The following FGFR2 variants were observed in gnomAD, a reference collection of about 807,000 sequenced individuals.
The protein encoded by FGFR2 is fibroblast growth factor receptor 2.
A neutral mutation model predicts 95.9 loss-of-function variants in FGFR2; 19 were observed. The ratio of observed to expected loss-of-function variants is 0.20; its 90% confidence interval spans 0.14 to 0.29. The LOEUF (loss-of-function observed/expected upper bound fraction) is 0.29. Among genes scored for constraint, FGFR2 ranks in the 10% least tolerant of loss-of-function variants. The pLI is 1.00. For synonymous variants in FGFR2, 392 were observed against 393.3 expected, an observed-to-expected ratio of 1.00 and a Z score of 0.04; for missense variants, 707 against 1,056.9, an observed-to-expected ratio of 0.67 and a Z score of 4.59.
intron 2 of FGFR2, among the ~76,000 whole-genome samples, chr10:121,582,172 C>T (rs1861039374): frequency 1.3e-5 from 2 of 151,982 alleles, no homozygotes; most frequent in Non-Finnish European, 2.9e-5. Context: ...CCTCATGATC[C>T]GCCCACCTCG....
chr10:121,543,234 G>T (rs1368603845), intron 5 of FGFR2, among the ~76,000 whole-genome samples: 1 of 152,196 alleles, frequency 6.6e-6, no homozygotes, highest in East Asian at 1.9e-4. Flanking sequence ...AATCTGCCAG[G>T]TGCAGTGGCT....
chr10:121,553,379 G>T (rs1009311465), intron 4 of FGFR2, among the ~76,000 whole-genome samples: 1 of 152,118 alleles, frequency 6.6e-6, no homozygotes, highest in Non-Finnish European at 1.5e-5. Flanking sequence ...TCTTTTGAGG[G>T]TTCACCAGGG....
In FGFR2 at chr10:121,515,225, T is replaced by C. The variant is rs886046763; in HGVS notation, c.1179A>G (p.Val393=). ...TCTTCATTCGGCACAGGATGACTGTTACCACCATACAGGCGATTAAGAAGA... is the reference window on the plus strand; with the variant it reads ...TCTTCATTCGGCACAGGATGACTGTCACCACCATACAGGCGATTAAGAAGA... The part of the protein sequence containing the change: ...IGVFLIACMV[V]TVILCRMKNT... Residue 393 remains valine (V), a synonymous_variant, in exon 9 of 18, where the codon GTA becomes GTG. Coordinates refer to ENST00000358487, the MANE Select transcript of FGFR2 (RefSeq NM_000141.5). The C allele has an allele frequency of 1.9e-6, 3 of 1,614,106 alleles. No individual in the cohort carries two copies. Among genetic ancestry groups the C allele is most frequent in the Non-Finnish European group, 2.5e-6 (3 of 1,180,050 alleles).
chr10:121,597,381 T>C (rs898765730), intron 1 of FGFR2, among the ~76,000 whole-genome samples: 2 of 152,194 alleles, frequency 1.3e-5, no homozygotes, highest in African/African-American at 4.8e-5. Flanking sequence ...CTGCGCTCCC[T>C]CCAGCGCCGA....
chr10:121,532,189 C>T (rs1166134940), intron 6 of FGFR2, among the ~76,000 whole-genome samples: 1 of 152,196 alleles, frequency 6.6e-6, no homozygotes, highest in Non-Finnish European at 1.5e-5. Context: ...GCCTCTAAGT[C>T]AAGAGGCTTC....
intron 9 of FGFR2, among the ~76,000 whole-genome samples, chr10:121,507,822 G>T (rs2134122352): frequency 6.6e-6 from 1 of 152,278 alleles, no homozygotes; most frequent in East Asian, 1.9e-4. Flanking sequence ...AGCGTTTGGA[G>T]CCTAGGGTGG....
intron 14 of FGFR2, among the ~76,000 whole-genome samples, chr10:121,487,716 T>G (rs181733603): frequency 1.3e-5 from 2 of 152,240 alleles, no homozygotes; most frequent in African/African-American, 4.8e-5. Context: ...AGCTGTAGTT[T>G]TTGCTATGAA....
chr10:121,585,466 A>G (rs956304934), intron 2 of FGFR2, among the ~76,000 whole-genome samples: 3 of 152,042 alleles, frequency 2.0e-5, no homozygotes, highest in African/African-American at 7.2e-5. Context: ...ATGAACACCT[A>G]CTCTGGGCCA....
chr10:121,482,548 G>A (rs914456659), intron 17 of FGFR2, among the ~76,000 whole-genome samples: 1 of 152,168 alleles, frequency 6.6e-6, no homozygotes, highest in African/African-American at 2.4e-5. Context: ...TGCATGGTTT[G>A]GAGTTAGTTT....
In FGFR2 at chr10:121,483,854, G is replaced by T; in HGVS notation, c.2196-51C>A. 2.9e-6 allele frequency: 4 copies of T among 1,380,134 alleles called. No homozygotes were observed. The South Asian group carries it at 4.8e-5, about 17-fold the overall frequency. The allele number at this position is 1,380,134 out of a possible 1,614,324, so 85.5% of individuals were successfully genotyped here. A position where few individuals can be genotyped will look rare whatever the true frequency, so the allele number is the denominator to read the frequency against. The stretch of plus-strand genomic sequence containing the variant: ...TAATTTCATATGCACTGGGTACGTG[G>T]TTATAGTCAGTTTTAATAGGCAATA... On this transcript the variant is annotated intron_variant, in intron 16 of 17. Coordinates refer to ENST00000358487, the MANE Select transcript of FGFR2 (RefSeq NM_000141.5).
Position 121,594,250 on chromosome 10 carries a change from T to A in FGFR2, c.-150-283A>T, listed in dbSNP as rs1470128754. 5 of 383,452 alleles carry A rather than the reference T, an allele frequency of 1.3e-5. No individual in the cohort carries two copies. The Admixed American group carries it at 1.7e-4, about 13-fold the overall frequency. The allele number at this position is 383,452 out of a possible 1,614,324, so 23.8% of individuals were successfully genotyped here. ...ACGTGCAGCCACTTCAGTGAGGCAATGTGTGCTCTCTTCTACTATCCACTA... is the reference window on the plus strand; with the variant it reads ...ACGTGCAGCCACTTCAGTGAGGCAAAGTGTGCTCTCTTCTACTATCCACTA... On this transcript the variant is annotated intron_variant, in intron 1 of 17. Transcript: ENST00000358487.
At chr10:121,580,736 C>T (rs1222991292) in intron 2 of FGFR2, among the ~76,000 whole-genome samples, 2 of 152,190 alleles carry the variant, frequency 1.3e-5, no homozygotes, top group African/African-American at 4.8e-5. Flanking sequence ...CACATTAATT[C>T]AGGACATTCC....
chr10:121,557,515 C>T (rs1161733426), intron 4 of FGFR2, among the ~76,000 whole-genome samples: 4 of 151,982 alleles, frequency 2.6e-5, no homozygotes, highest in East Asian at 1.9e-4. Flanking sequence ...GCTATGCTCC[C>T]GAGGCTAGTC....
chr10:121,593,221 G>GCC (rs2135476816), intron 2 of FGFR2, among the ~76,000 whole-genome samples: 1 of 152,230 alleles, frequency 6.6e-6, no homozygotes, highest in South Asian at 2.1e-4. Context: ...GAGATGTCAA[G>GCC]CCTCTCTCTC....
At position 121,565,563 on chromosome 10, in the gene FGFR2, C is replaced by T. The variant is rs144714823; in HGVS notation, c.251G>A (p.Arg84Lys). ...CAAGTACTCCCCAATAAGCACTGTC[C>T]TATTGTTGGGCCCCAAGTGCACCCC... is the stretch of plus-strand genomic sequence containing the variant. ...KDGVHLGPNN[R>K]TVLIGEYLQI... The change falls in exon 3 of 18, where the codon AGG (arginine) becomes AAG (lysine). Residue 84 changes from arginine (R) to lysine (K), a missense_variant. Arg to Lys is a conservative substitution (Grantham distance 26). This residue lies in a region of FGFR2 where 178 missense variants were observed against 194.1 expected (regional missense o/e 0.92). Transcript: ENST00000358487. The T allele has an allele frequency of 2.5e-6, 4 of 1,614,108 alleles. No individual in the cohort carries two copies. Among genetic ancestry groups the T allele is most frequent in the South Asian group, 1.1e-5 (1 of 91,086 alleles).
At chr10:121,519,072 T>C (rs1850129739) in intron 7 of FGFR2, among the ~76,000 whole-genome samples, 1 of 152,212 alleles carries the variant, frequency 6.6e-6, no homozygotes, top group African/African-American at 2.4e-5. Flanking sequence ...GTCCCCAGGT[T>C]GGTCATCTTT....
intron 4 of FGFR2, among the ~76,000 whole-genome samples, chr10:121,560,226 G>A (rs1026292075): frequency 2.6e-5 from 4 of 152,112 alleles, no homozygotes; most frequent in Non-Finnish European, 4.4e-5. Flanking sequence ...TCGGGTTATT[G>A]GTGGCATGGA....
At chr10:121,522,875 A>G (rs889995808) in intron 6 of FGFR2, among the ~76,000 whole-genome samples, 2 of 152,194 alleles carry the variant, frequency 1.3e-5, no homozygotes, top group African/African-American at 2.4e-5. Context: ...AATGAGGAGA[A>G]CTCAGCCAGC....
chr10:121,577,548 T>C, intron 2 of FGFR2, among the ~76,000 whole-genome samples: 1 of 152,094 alleles, frequency 6.6e-6, no homozygotes, highest in Non-Finnish European at 1.5e-5. Context: ...TTCCTGCTGG[T>C]GCGTACATGT....
Sources: gnomAD v4.1 joint callset for allele counts (sites outside exome capture counted in the v4.1 genomes callset) on GRCh38, gnomAD v4.1.1 for gene constraint, gnomAD v4.1.1 regional missense constraint, MANE v1.5 for transcripts, NCBI Gene and HGNC (gene_info 2026-07-23, HGNC 2026-07-21) for gene names.